Variants in ELAVL4 observed in about 807,000 individuals in gnomAD.
ELAVL4 encodes the protein ELAV-like protein 4.
ELAVL4 carries 1 observed loss-of-function variant against 35.6 expected under a neutral mutation model. That is an observed-to-expected ratio of 0.03 (90% CI 0.01 to 0.13). The LOEUF is 0.13. Among genes scored for constraint, ELAVL4 ranks in the 10% least tolerant of loss-of-function variants. ELAVL4 has a pLI of 1.00. For missense variants in ELAVL4, 267 were observed against 464.9 expected, an observed-to-expected ratio of 0.57 and a Z score of 3.91; for synonymous variants, 156 against 171.0, an observed-to-expected ratio of 0.91 and a Z score of 0.69.
intron 1 of ELAVL4, among the ~76,000 whole-genome samples, chr1:50,088,473 A>G (rs1274701995): frequency 2.0e-5 from 3 of 152,186 alleles, no homozygotes; most frequent in Non-Finnish European, 4.4e-5. Flanking sequence ...AGCATCTCTA[A>G]CAAAACTCAG....
chr1:50,164,405 A>C (rs1171716159), intron 2 of ELAVL4, among the ~76,000 whole-genome samples: 1 of 152,142 alleles, frequency 6.6e-6, no homozygotes, highest in African/African-American at 2.4e-5. Context: ...AAAGGCAAAA[A>C]TCTGTTCCCT....
intron 1 of ELAVL4, among the ~76,000 whole-genome samples, chr1:50,129,197 A>T (rs1670451511): frequency 1.3e-5 from 2 of 152,086 alleles, no homozygotes; most frequent in Non-Finnish European, 2.9e-5. Flanking sequence ...TTATCTCTAC[A>T]CTTCCCACCA....
intron 1 of ELAVL4, among the ~76,000 whole-genome samples, chr1:50,075,795 T>C (rs1446746931): frequency 2.6e-5 from 4 of 152,120 alleles, no homozygotes; most frequent in Non-Finnish European, 5.9e-5. Context: ...AAATTGCTTT[T>C]TGACTTATGA....
At chr1:50,129,356 G>A (rs193005037) in intron 1 of ELAVL4, among the ~76,000 whole-genome samples, 12 of 152,206 alleles carry the variant, frequency 7.9e-5, no homozygotes, top group African/African-American at 2.6e-4. Context: ...TTCCTTGTGG[G>A]GAGCCGGAAA....
intron 1 of ELAVL4, among the ~76,000 whole-genome samples, chr1:50,072,133 G>A (rs1664557423): frequency 6.6e-6 from 1 of 152,140 alleles, no homozygotes; most frequent in South Asian, 2.1e-4. Context: ...GCATGGGAGG[G>A]CCCATGAGTG....
intron 1 of ELAVL4, among the ~76,000 whole-genome samples, chr1:50,077,852 T>TTCC (rs1323888763): frequency 3.9e-5 from 6 of 152,174 alleles, no homozygotes; most frequent in African/African-American, 1.4e-4. Flanking sequence ...AATAACTTTA[T>TTCC]CCCTCTGTTT....
intron 1 of ELAVL4, among the ~76,000 whole-genome samples, chr1:50,121,094 A>G (rs1186797786): frequency 1.3e-5 from 2 of 152,074 alleles, no homozygotes; most frequent in African/African-American, 4.8e-5. Flanking sequence ...TTAGGTTGTC[A>G]TAATATGGCT....
chr1:50,190,111 C>G (rs1453489932), intron 3 of ELAVL4, among the ~76,000 whole-genome samples: 1 of 152,196 alleles, frequency 6.6e-6, no homozygotes, highest in Admixed American at 6.5e-5. Context: ...TTTCTGAGTT[C>G]CAGAAGGAGG....
chr1:50,164,556 G>A (rs886833492), intron 2 of ELAVL4, among the ~76,000 whole-genome samples: 1 of 152,210 alleles, frequency 6.6e-6, no homozygotes, highest in African/African-American at 2.4e-5. Flanking sequence ...AGTGCTTTGG[G>A]AAGCCTAGGT....
chr1:50,144,184 C>G (rs763703279), intron 1 of ELAVL4, among the ~76,000 whole-genome samples: 3 of 152,154 alleles, frequency 2.0e-5, no homozygotes, highest in Non-Finnish European at 4.4e-5. Flanking sequence ...GGAACATTCA[C>G]ACCAGCCAGA....
At chr1:50,076,321 ACAGT>A in intron 1 of ELAVL4, among the ~76,000 whole-genome samples, 1 of 152,332 alleles carries the variant, frequency 6.6e-6, no homozygotes, top group Non-Finnish European at 1.5e-5. Flanking sequence ...AATGCTACAT[ACAGT>A]AAGATATTTT....
intron 1 of ELAVL4, among the ~76,000 whole-genome samples, chr1:50,139,066 T>G (rs899847400): frequency 6.6e-6 from 1 of 152,216 alleles, no homozygotes; most frequent in Admixed American, 6.5e-5. Flanking sequence ...GCCTGGCATA[T>G]AATAGGTGCT....
intron 4 of ELAVL4, 33 bp from the exon 5 acceptor site, chr1:50,195,528 C>A: frequency 6.2e-7 from 1 of 1,608,738 alleles, no homozygotes; most frequent in South Asian, 1.1e-5. Context: ...TTGGTGTGTT[C>A]ACTCTTTACA....
intron 2 of ELAVL4, among the ~76,000 whole-genome samples, chr1:50,171,241 A>G (rs1390672739): frequency 6.6e-6 from 1 of 152,172 alleles, no homozygotes; most frequent in South Asian, 2.1e-4. Flanking sequence ...TGTGTTAAGA[A>G]GGAGAAGAGA....
chr1:50,118,849 T>A (rs1023354565), intron 1 of ELAVL4, among the ~76,000 whole-genome samples: 1 of 151,606 alleles, frequency 6.6e-6, no homozygotes, highest in African/African-American at 2.4e-5. Flanking sequence ...GGAAGTCGAT[T>A]TTTTTCTTCA....
chr1:50,052,178 T>G (rs1172674063), intron 1 of ELAVL4, among the ~76,000 whole-genome samples: 1 of 152,208 alleles, frequency 6.6e-6, no homozygotes, highest in Non-Finnish European at 1.5e-5. Context: ...AAAAGCTGTA[T>G]TGATTCTTTC....
At chr1:50,157,626 A>G (rs1339078257) in intron 2 of ELAVL4, among the ~76,000 whole-genome samples, 1 of 152,216 alleles carries the variant, frequency 6.6e-6, no homozygotes, top group East Asian at 1.9e-4. Context: ...GTCTATAATG[A>G]ATGATTTTTC....
intron 1 of ELAVL4, among the ~76,000 whole-genome samples, chr1:50,127,832 T>C (rs1437575421): frequency 1.3e-5 from 2 of 152,198 alleles, no homozygotes; most frequent in Non-Finnish European, 2.9e-5. Flanking sequence ...TTCTTAACTA[T>C]TATGCTATGC....
At chr1:50,126,431 T>C (rs1380361544) in intron 1 of ELAVL4, among the ~76,000 whole-genome samples, 2 of 152,054 alleles carry the variant, frequency 1.3e-5, no homozygotes, top group Non-Finnish European at 2.9e-5. Flanking sequence ...ATTTACTTTT[T>C]AGTGGGGGAT....
Sources: allele counts gnomAD v4.1 joint callset (sites outside exome capture counted in the v4.1 genomes callset), GRCh38; gene constraint gnomAD v4.1.1; transcripts MANE v1.5; gene names NCBI Gene and HGNC (gene_info 2026-07-23, HGNC 2026-07-21).